The following EBF4 variants were observed in gnomAD, a reference collection of about 807,000 sequenced individuals.
The protein encoded by EBF4 is transcription factor COE4.
A neutral mutation model predicts 67.1 loss-of-function variants in EBF4; 34 were observed. The ratio of observed to expected loss-of-function variants is 0.51; its 90% confidence interval spans 0.39 to 0.67. EBF4 has a LOEUF of 0.67. Among genes scored for constraint, EBF4 ranks in the 30% least tolerant of loss-of-function variants. The pLI, the probability that EBF4 is intolerant of heterozygous loss-of-function variation, is 0.00. For missense variants in EBF4, 837 were observed against 873.3 expected, an observed-to-expected ratio of 0.96 and a Z score of 0.52; for synonymous variants, 387 against 377.7, an observed-to-expected ratio of 1.02 and a Z score of -0.29.
intron 6 of EBF4, among the ~76,000 whole-genome samples, chr20:2,720,323 C>G (rs902413628): frequency 6.6e-6 from 1 of 152,126 alleles, no homozygotes; most frequent in Non-Finnish European, 1.5e-5. Flanking sequence ...GTCTCGAACT[C>G]CTGATCTCAT....
chr20:2,746,166 G>A (rs150512559), intron 6 of EBF4, among the ~76,000 whole-genome samples: 9 of 152,246 alleles, frequency 5.9e-5, no homozygotes, highest in Admixed American at 2.6e-4. Context: ...TACACCATGG[G>A]GTGTCATAAG....
chr20:2,731,044 A>G lies in EBF4; in HGVS notation c.558-17505A>G, dbSNP rs2087807483. ...CTCCCGAGTAGCTGGGATTACAGGT[A>G]TGTGCCACCATGCTTAGCTAATTTG... On this transcript the variant is annotated intron_variant, in intron 6 of 16. Coordinates refer to ENST00000609451, the Ensembl canonical transcript of EBF4. 2.0e-5 allele frequency among the ~76,000 whole-genome samples: 3 copies of G among 152,106 alleles called. No homozygotes were observed. The South Asian group carries it at 6.2e-4, about 32-fold the overall frequency.
intron 6 of EBF4, among the ~76,000 whole-genome samples, chr20:2,737,049 A>G (rs980316378): frequency 2.0e-5 from 3 of 152,010 alleles, no homozygotes; most frequent in Non-Finnish European, 2.9e-5. Flanking sequence ...GGAGATGGAG[A>G]CCATCCTGGC....
At chr20:2,757,228 C>T (rs1279862796) in intron 15 of EBF4, among the ~76,000 whole-genome samples, 3 of 152,214 alleles carry the variant, frequency 2.0e-5, no homozygotes, top group Non-Finnish European at 2.9e-5. Flanking sequence ...GATGGGAAAG[C>T]TCAGGGCCTG....
chr20:2,719,982 T>G (rs552092472), intron 6 of EBF4, among the ~76,000 whole-genome samples: 1 of 152,348 alleles, frequency 6.6e-6, no homozygotes, highest in East Asian at 1.9e-4. Context: ...AGAAGGGTAT[T>G]AAAATCACTG....
chr20:2,722,054 C>T (rs1217265566), intron 6 of EBF4, among the ~76,000 whole-genome samples: 1 of 151,978 alleles, frequency 6.6e-6, no homozygotes, highest in East Asian at 1.9e-4. Context: ...GAGCCTTGGT[C>T]TTGTTTTTGT....
At chr20:2,731,355 C>T (rs530958237) in intron 6 of EBF4, among the ~76,000 whole-genome samples, 24 of 152,338 alleles carry the variant, frequency 1.6e-4, no homozygotes, top group Middle Eastern at 3.4e-3. Context: ...ACCAAGCAGT[C>T]TTTTCCTCAG....
intron 6 of EBF4, among the ~76,000 whole-genome samples, chr20:2,711,716 C>T (rs2087547284): frequency 6.6e-6 from 1 of 152,106 alleles, no homozygotes; most frequent in Non-Finnish European, 1.5e-5. Context: ...GACAAAAAGC[C>T]TTGTGTTCAC....
In EBF4 at chr20:2,696,006, C is replaced by T. The variant is rs570679315; in HGVS notation, c.137+2224C>T. Among the ~76,000 whole-genome samples, 39 of 152,312 alleles carry T rather than the reference C, an allele frequency of 2.6e-4. No individual in the cohort carries two copies. The highest frequency in any genetic ancestry group is 5.7e-4 in the Non-Finnish European group (39 of 68,024). On this transcript the variant is annotated intron_variant, in intron 1 of 16. Transcript: ENST00000609451. The surrounding 1 kb of genome is among the most constrained non-coding windows in gnomAD (Gnocchi z 4.7). ...CAATGAAACCCCCTGGCCCTCCACC[C>T]GCTTCCTCCCTGGCTTGAAGGTTAA...
At chr20:2,752,175 C>G in exon 13 of EBF4, 1 of 1,434,222 alleles carries the variant, frequency 7.0e-7, no homozygotes, top group Non-Finnish European at 9.1e-7. Context: ...TGGCCCCGAG[C>G]CACCCACACC....
chr20:2,717,977 AT>A (rs749982501), intron 6 of EBF4, among the ~76,000 whole-genome samples: 1 of 151,944 alleles, frequency 6.6e-6, no homozygotes, highest in Non-Finnish European at 1.5e-5. Flanking sequence ...TGCCCGGCTA[AT>A]TTTTGTATTT....
Position 2,737,045 on chromosome 20 carries a change from G to T in EBF4, c.558-11504G>T, listed in dbSNP as rs11697264. ...TGGGCAGATCACAAGGTCAGGAGAT[G>T]GAGACCATCCTGGCTAACACGGTGA... is the stretch of plus-strand genomic sequence containing the variant. On this transcript the variant is annotated intron_variant, in intron 6 of 16. Transcript: ENST00000609451. 2.4e-3 allele frequency among the ~76,000 whole-genome samples: 363 copies of T among 151,844 alleles called. 1 individual carries two copies. The highest frequency in any genetic ancestry group is 6.0e-3 in the African/African-American group (248 of 41,376).
intron 6 of EBF4, among the ~76,000 whole-genome samples, chr20:2,716,041 G>T (rs756335215): frequency 6.7e-6 from 1 of 150,100 alleles, no homozygotes; most frequent in Non-Finnish European, 1.5e-5. Flanking sequence ...GAGCCACCGC[G>T]CCCGGCCTTA....
rs1054434316 is a variant in EBF4 at position 2,700,885 on chromosome 20, C to T, written c.138-4692C>T. ...TCTGTTGCTCTCGAGTCCTATTCCC[C>T]GCAACATGCTGTTCCTCGTGTCCTT... On this transcript the variant is annotated intron_variant, in intron 1 of 16. Coordinates refer to ENST00000609451, the Ensembl canonical transcript of EBF4. 4.6e-5 allele frequency among the ~76,000 whole-genome samples: 7 copies of T among 152,208 alleles called. No homozygotes were observed. The East Asian group carries it at 7.7e-4, about 17-fold the overall frequency.
chr20:2,714,148 A>G (rs1419902393), intron 6 of EBF4, among the ~76,000 whole-genome samples: 2 of 152,334 alleles, frequency 1.3e-5, no homozygotes, highest in East Asian at 1.9e-4. Context: ...GTAAGCGAAC[A>G]GCAGTATCCC....
At chr20:2,701,975 C>T (rs58588608) in intron 1 of EBF4, among the ~76,000 whole-genome samples, 1,585 of 152,316 alleles carry the variant, frequency 0.01, 33 homozygotes, top group African/African-American at 0.036. Context: ...CCTCTTAGGG[C>T]TTCCCTGCCT....
exon 14 of EBF4, chr20:2,752,400 G>A (rs1191041903): frequency 7.9e-7 from 1 of 1,270,548 alleles, no homozygotes; most frequent in South Asian, 2.7e-5. Flanking sequence ...GCGGGTTCGC[G>A]CCCAGCCCCG....
chr20:2,705,709 C>T, exon 2 of EBF4: 3 of 1,550,928 alleles, frequency 1.9e-6, no homozygotes, highest in Non-Finnish European at 2.6e-6. Context: ...GCACAGCCTT[C>T]ATCGACTTCG....
At chr20:2,752,580 G>T in intron 14 of EBF4, 35 bp downstream of exon 14, 1 of 1,228,586 alleles carries the variant, frequency 8.1e-7, no homozygotes. Flanking sequence ...AAGGTCTGGG[G>T]CCGGGGAGCG....
Sources: allele counts gnomAD v4.1 joint callset (sites outside exome capture counted in the v4.1 genomes callset), GRCh38; gene constraint gnomAD v4.1.1; non-coding constraint Gnocchi (gnomAD v3.1); transcripts MANE v1.5; gene names NCBI Gene and HGNC (gene_info 2026-07-23, HGNC 2026-07-21).